Variants in TRPC5 observed in about 807,000 individuals in gnomAD.
The protein encoded by TRPC5 is transient receptor potential cation channel subfamily C member 5.
TRPC5 carries 9 observed loss-of-function variants against 56.5 expected under a neutral mutation model. The observed-to-expected ratio is 0.16, with a 90% CI of 0.10 to 0.28. TRPC5 has a LOEUF of 0.28. Among genes scored for constraint, TRPC5 ranks in the 10% least tolerant of loss-of-function variants. The probability of loss-of-function intolerance (pLI) is 1.00; values close to 1 mark genes in which losing one functional copy is unlikely to be tolerated. For synonymous variants in TRPC5, 282 were observed against 278.5 expected, an observed-to-expected ratio of 1.01 and a Z score of -0.13; for missense variants, 469 against 748.9, an observed-to-expected ratio of 0.63 and a Z score of 4.36.
At chrX:111,881,555 C>T (rs1273455813) in intron 3 of TRPC5, among the ~76,000 whole-genome samples, 1 of 111,438 alleles carries the variant, frequency 9.0e-6, no homozygotes, top group Non-Finnish European at 1.9e-5. Flanking sequence ...TTCTGATTGG[C>T]AGAAATAAAA....
At chrX:112,019,538 C>G (rs773190717) in intron 1 of TRPC5, among the ~76,000 whole-genome samples, 2 of 110,900 alleles carry the variant, frequency 1.8e-5, no homozygotes, top group African/African-American at 6.5e-5. Context: ...CGGGTTCACG[C>G]CATTCTCCTG....
chrX:111,877,180 A>G (rs779482003), intron 3 of TRPC5, among the ~76,000 whole-genome samples: 2 of 111,755 alleles, frequency 1.8e-5, no homozygotes, highest in Non-Finnish European at 3.8e-5. Flanking sequence ...AAAGACCTGA[A>G]TTAGAGCAGT....
At chrX:111,787,833 G>A (rs1021136099) in intron 7 of TRPC5, among the ~76,000 whole-genome samples, 3 of 111,291 alleles carry the variant, frequency 2.7e-5, no homozygotes, top group Admixed American at 9.5e-5. Context: ...TAAATTCCTC[G>A]ACACATACAC....
intron 6 of TRPC5, among the ~76,000 whole-genome samples, chrX:111,842,426 C>T (rs1260743231): frequency 1.8e-5 from 2 of 111,031 alleles, no homozygotes; most frequent in African/African-American, 6.6e-5. Context: ...GCATGAGCCA[C>T]AGCGCCCAGC....
chrX:112,061,851 T>C (rs768708089), intron 1 of TRPC5, among the ~76,000 whole-genome samples: 8 of 111,875 alleles, frequency 7.2e-5, no homozygotes, highest in African/African-American at 2.6e-4. Context: ...TACACTAATT[T>C]TCAATCTGCA....
chrX:111,846,430 G>A (rs931088685), intron 6 of TRPC5, among the ~76,000 whole-genome samples: 6 of 111,830 alleles, frequency 5.4e-5, no homozygotes, highest in African/African-American at 1.9e-4. Context: ...AGGCTTGAAG[G>A]TCCCCCAAAA....
intron 3 of TRPC5, among the ~76,000 whole-genome samples, chrX:111,883,317 C>A (rs16986658): frequency 0.01 from 1,149 of 112,068 alleles, 22 homozygotes; most frequent in African/African-American, 0.035. Flanking sequence ...CAACTGGGAC[C>A]TATTCAGGGC....
chrX:111,874,078 C>A (rs1211774352), intron 3 of TRPC5, among the ~76,000 whole-genome samples: 1 of 111,892 alleles, frequency 8.9e-6, no homozygotes, highest in Non-Finnish European at 1.9e-5. Flanking sequence ...CATCTGTTTC[C>A]AGGTAAGACC....
intron 1 of TRPC5, among the ~76,000 whole-genome samples, chrX:111,997,478 C>T (rs1415924907): frequency 3.6e-5 from 4 of 110,918 alleles, no homozygotes; most frequent in African/African-American, 9.8e-5. Flanking sequence ...TGGGGTTGCT[C>T]TTCTCAAGGA....
intron 2 of TRPC5, among the ~76,000 whole-genome samples, chrX:111,930,426 T>C (rs1344813217): frequency 1.8e-5 from 2 of 110,496 alleles, no homozygotes; most frequent in Non-Finnish European, 3.8e-5. Context: ...ATCCCAGAAC[T>C]TAAAGTATAA....
At position 112,010,446 on chromosome X, in the gene TRPC5, T is replaced by C. The variant is rs892395684; in HGVS notation, c.-21-58005A>G. 5.4e-5 allele frequency among the ~76,000 whole-genome samples: 6 copies of C among 111,726 alleles called. No homozygotes were observed. In the East Asian group the frequency reaches 1.7e-3, roughly 31 times the overall value. On this transcript the variant is annotated intron_variant, in intron 1 of 10. Transcript: ENST00000262839. ...AATGTCTCCTTAAGAAATTTTTTCA[T>C]TGTGTGAACATCATAGTGTGTACTC...
intron 1 of TRPC5, among the ~76,000 whole-genome samples, chrX:112,062,779 G>A (rs748905933): frequency 8.9e-6 from 1 of 111,882 alleles, no homozygotes; most frequent in Admixed American, 9.5e-5. Flanking sequence ...TTATCCTATA[G>A]GTAGTGGGGG....
At position 111,848,801 on chromosome X, in the gene TRPC5, T is replaced by C. The variant is rs749841066; in HGVS notation, c.1378-1365A>G. ...TTTACGTACTCTTGGCCAAATCTTA[T>C]ATTTCTACATTTTTCCTCCCCCAAC... On this transcript the variant is annotated intron_variant, in intron 5 of 10. Coordinates refer to ENST00000262839, the MANE Select transcript of TRPC5 (RefSeq NM_012471.3). Among the ~76,000 whole-genome samples the C allele has an allele frequency of 1.7e-4, 19 of 112,019 alleles. No individual in the cohort carries two copies. In the South Asian group the frequency reaches 6.7e-3, roughly 40 times the overall value.
chrX:111,789,125 G>C (rs1481637524), intron 7 of TRPC5, among the ~76,000 whole-genome samples: 1 of 111,863 alleles, frequency 8.9e-6, no homozygotes, highest in Non-Finnish European at 1.9e-5. Flanking sequence ...TAAGCAAAAA[G>C]AACAAAGCTG....
chrX:111,906,912 T>G lies in TRPC5; in HGVS notation c.900+5379A>C, dbSNP rs551298559. Among the ~76,000 whole-genome samples the G allele has an allele frequency of 3.6e-5, 4 of 111,646 alleles. No homozygotes were observed. In the South Asian group the frequency reaches 1.5e-3, roughly 42 times the overall value. The stretch of plus-strand genomic sequence containing the variant: ...TTCCTCATTACAGACATTGAGGAAG[T>G]AATCCTACCTATCCTTGAAGACAGA... On this transcript the variant is annotated intron_variant, in intron 3 of 10. Coordinates refer to ENST00000262839, the MANE Select transcript of TRPC5 (RefSeq NM_012471.3).
At chrX:111,958,302 T>C (rs886197761) in intron 1 of TRPC5, among the ~76,000 whole-genome samples, 1 of 111,946 alleles carries the variant, frequency 8.9e-6, no homozygotes, top group African/African-American at 3.2e-5. Flanking sequence ...TCCATCTACA[T>C]TTTTTTCAAG....
At chrX:111,833,724 T>C (rs1182484256) in intron 7 of TRPC5, among the ~76,000 whole-genome samples, 1 of 110,751 alleles carries the variant, frequency 9.0e-6, no homozygotes, top group Non-Finnish European at 1.9e-5. Context: ...TGTGCATGTA[T>C]GGGTATGTGT....
intron 3 of TRPC5, chrX:111,896,550 A>T (rs938141635): frequency 6.3e-5 from 7 of 110,997 alleles, no homozygotes; most frequent in African/African-American, 2.3e-4. Flanking sequence ...AAAGATAGGT[A>T]ATGGATATAT....
intron 1 of TRPC5, among the ~76,000 whole-genome samples, chrX:112,066,036 C>T (rs1364242918): frequency 3.7e-5 from 4 of 107,272 alleles, no homozygotes; most frequent in African/African-American, 1.3e-4. Flanking sequence ...ACAGCTCTGA[C>T]TTTCCTCATG....
Sources: allele counts gnomAD v4.1 joint callset (sites outside exome capture counted in the v4.1 genomes callset), GRCh38; gene constraint gnomAD v4.1.1; transcripts MANE v1.5; gene names NCBI Gene and HGNC (gene_info 2026-07-23, HGNC 2026-07-21).